Variants in ACOXL observed in about 807,000 individuals in gnomAD.
The protein encoded by ACOXL is acyl-CoA oxidase like, also known as acyl-coenzyme A oxidase-like protein.
A neutral mutation model predicts 71.9 loss-of-function variants in ACOXL; 70 were observed. The observed-to-expected ratio is 0.97, with a 90% CI of 0.80 to 1.19. The LOEUF is 1.19. ACOXL is among the 50% of genes most tolerant of loss of function. ACOXL has a pLI of 0.00. For synonymous variants in ACOXL, 253 were observed against 281.6 expected (o/e 0.90, Z 1.02); for missense variants, 703 against 736.3 (o/e 0.95, Z 0.52).
chr2:110,924,389 C>T (rs1012320600), intron 11 of ACOXL, among the ~76,000 whole-genome samples: 1 of 152,174 alleles, frequency 6.6e-6, no homozygotes, highest in African/African-American at 2.4e-5. Flanking sequence ...CATTTGGCAG[C>T]GTTTTACCCA....
chr2:111,051,578 C>T (rs1472749193), intron 16 of ACOXL, among the ~76,000 whole-genome samples: 1 of 152,184 alleles, frequency 6.6e-6, no homozygotes, highest in Non-Finnish European at 1.5e-5. Flanking sequence ...AAGGAATTCT[C>T]CTGTCTCAGC....
At chr2:110,923,754 T>G (rs1453635750) in intron 11 of ACOXL, among the ~76,000 whole-genome samples, 1 of 151,952 alleles carries the variant, frequency 6.6e-6, no homozygotes, top group Non-Finnish European at 1.5e-5. Flanking sequence ...GCCAACATGG[T>G]GAAACCCCAT....
chr2:110,873,204 C>T (rs1695479141), intron 10 of ACOXL, among the ~76,000 whole-genome samples: 1 of 152,160 alleles, frequency 6.6e-6, no homozygotes, highest in South Asian at 2.1e-4. Context: ...GGCATTCTCC[C>T]AGAACCCTGG....
At chr2:110,981,272 C>T (rs764988618) in intron 12 of ACOXL, among the ~76,000 whole-genome samples, 2 of 152,276 alleles carry the variant, frequency 1.3e-5, no homozygotes, top group South Asian at 2.1e-4. Flanking sequence ...GCAGGAGAAT[C>T]GCTTGAACCC....
chr2:110,777,895 T>G (rs1458273749), intron 2 of ACOXL, among the ~76,000 whole-genome samples: 1 of 152,180 alleles, frequency 6.6e-6, no homozygotes, highest in Non-Finnish European at 1.5e-5. Context: ...TGTCCAAACA[T>G]AGAATGTGGG....
chr2:110,833,265 C>T (rs147390620), intron 9 of ACOXL, among the ~76,000 whole-genome samples: 1 of 152,200 alleles, frequency 6.6e-6, no homozygotes, highest in Non-Finnish European at 1.5e-5. Context: ...ACTATTGATA[C>T]ACACTGCAAC....
chr2:111,066,301 C>T (rs1459505247), intron 16 of ACOXL, among the ~76,000 whole-genome samples: 2 of 152,084 alleles, frequency 1.3e-5, no homozygotes, highest in African/African-American at 2.4e-5. Flanking sequence ...ACCATGATTC[C>T]GTTGATATAC....
chr2:110,777,776 C>G (rs939137231), intron 2 of ACOXL, among the ~76,000 whole-genome samples: 7 of 152,206 alleles, frequency 4.6e-5, no homozygotes, highest in African/African-American at 1.7e-4. Context: ...CAGAGCCCAG[C>G]ACTGACCTCC....
chr2:110,822,715 T>C (rs1389692881), intron 9 of ACOXL, among the ~76,000 whole-genome samples: 1 of 152,236 alleles, frequency 6.6e-6, no homozygotes, highest in African/African-American at 2.4e-5. Context: ...TGTAAAGCTC[T>C]GTGGGTTTTG....
At chr2:110,927,860 G>A (rs1337340340) in intron 11 of ACOXL, among the ~76,000 whole-genome samples, 3 of 152,262 alleles carry the variant, frequency 2.0e-5, no homozygotes, top group South Asian at 2.1e-4. Flanking sequence ...TCTTTGAAAC[G>A]TACATTTCTG....
chr2:111,049,157 C>T (rs2149827685), intron 15 of ACOXL, 61 bp from the exon 16 acceptor site: 2 of 1,316,526 alleles, frequency 1.5e-6, no homozygotes, highest in Non-Finnish European at 2.2e-6. Flanking sequence ...TCCTCCTTCA[C>T]ATCAGAAGGG....
intron 10 of ACOXL, among the ~76,000 whole-genome samples, chr2:110,872,716 G>C (rs549402586): frequency 3.3e-5 from 5 of 152,360 alleles, no homozygotes; most frequent in African/African-American, 1.2e-4. Context: ...GGTCTAGTTG[G>C]AGGCCCAGGT....
intron 12 of ACOXL, among the ~76,000 whole-genome samples, chr2:110,979,976 CCCG>C (rs2062630856): frequency 6.6e-6 from 1 of 152,144 alleles, no homozygotes; most frequent in South Asian, 2.1e-4. Flanking sequence ...TCTAACAAAA[CCCG>C]TCTTTGGCAT....
chr2:111,021,983 G>A (rs967846586), intron 14 of ACOXL, among the ~76,000 whole-genome samples: 1 of 152,074 alleles, frequency 6.6e-6, no homozygotes, highest in Admixed American at 6.5e-5. Flanking sequence ...AAAAAAGACA[G>A]AACTCATCTA....
intron 16 of ACOXL, among the ~76,000 whole-genome samples, chr2:111,073,955 T>C (rs188637789): frequency 5.9e-5 from 9 of 152,282 alleles, no homozygotes; most frequent in African/African-American, 1.9e-4. Context: ...GATGTACATG[T>C]TTTTGTAGAT....
intron 2 of ACOXL, among the ~76,000 whole-genome samples, chr2:110,776,559 C>T (rs192280074): frequency 4.0e-5 from 6 of 151,712 alleles, no homozygotes; most frequent in East Asian, 1.9e-4. Context: ...AGCTGGAGGT[C>T]GGTGAACAGC....
intron 10 of ACOXL, among the ~76,000 whole-genome samples, chr2:110,905,968 A>G (rs1164034549): frequency 1.3e-5 from 2 of 151,984 alleles, no homozygotes; most frequent in Non-Finnish European, 2.9e-5. Flanking sequence ...CATCACCCCA[A>G]TTGTGGGGTC....
intron 16 of ACOXL, among the ~76,000 whole-genome samples, chr2:111,089,895 A>ACGT (rs1345198443): frequency 6.6e-6 from 1 of 152,202 alleles, no homozygotes. Context: ...TTTATAAGAC[A>ACGT]CCTTGGAGAA....
At chr2:111,105,059 A>G (rs2069442035) in intron 17 of ACOXL, among the ~76,000 whole-genome samples, 2 of 152,104 alleles carry the variant, frequency 1.3e-5, no homozygotes, top group East Asian at 1.9e-4. Context: ...TTGTGTACCA[A>G]TGTCCAATTG....
Sources: gnomAD v4.1 joint callset for allele counts (sites outside exome capture counted in the v4.1 genomes callset) on GRCh38, gnomAD v4.1.1 for gene constraint, MANE v1.5 for transcripts, NCBI Gene and HGNC (gene_info 2026-07-23, HGNC 2026-07-21) for gene names.